CACNA1D: variants seen among roughly 807,000 people sequenced by gnomAD.
The protein encoded by CACNA1D is calcium voltage-gated channel subunit alpha1 D, also known as voltage-dependent L-type calcium channel subunit alpha-1D.
In CACNA1D, 55 loss-of-function variants were observed where a neutral mutation model predicts 257.1. The ratio of observed to expected loss-of-function variants is 0.21; its 90% CI spans 0.17 to 0.27. The LOEUF (loss-of-function observed/expected upper bound fraction) is 0.27. CACNA1D is among the 10% of genes least tolerant of loss of function. CACNA1D has a pLI of 1.00. For synonymous variants in CACNA1D, 980 were observed against 1,014.9 expected, an observed-to-expected ratio of 0.97 and a Z score of 0.65; for missense variants, 1,876 against 2,784.0, an observed-to-expected ratio of 0.67 and a Z score of 7.34.
chr3:53,509,667 C>T (rs570511220), intron 3 of CACNA1D, among the ~76,000 whole-genome samples: 12 of 152,180 alleles, frequency 7.9e-5, no homozygotes, highest in African/African-American at 2.4e-4. Context: ...CCGGTCTTGG[C>T]TGGCCCTGTA....
At chr3:53,671,449 C>A (rs1156339667) in intron 7 of CACNA1D, among the ~76,000 whole-genome samples, 1 of 152,228 alleles carries the variant, frequency 6.6e-6, no homozygotes, top group African/African-American at 2.4e-5. Context: ...GGCCACCACA[C>A]CAGGCAGCCA....
Position 53,497,213 on chromosome 3 carries a change from G to T in CACNA1D, c.129G>T (p.Pro43=). Residue 43 remains proline, a synonymous_variant, in exon 2 of 48, where the codon CCG becomes CCT. Coordinates refer to ENST00000350061, the MANE Select transcript of CACNA1D (RefSeq NM_001128840.3). ...PLSGEGPTSQ[P]NSSKQTVLSW... ...CTGGTGAAGGACCAACTTCTCAGCC[G>T]AATAGCTCCAAGCAAACTGTCCTGT... 6.2e-7 allele frequency: 1 copy of T among 1,614,064 alleles called. No individual in the cohort carries two copies. Among genetic ancestry groups the T allele is most frequent in the Non-Finnish European group, 8.5e-7 (1 of 1,180,004 alleles).
chr3:53,532,014 A>G (rs1321648218), intron 3 of CACNA1D, among the ~76,000 whole-genome samples: 1 of 152,176 alleles, frequency 6.6e-6, no homozygotes, highest in Non-Finnish European at 1.5e-5. Flanking sequence ...GATACTCAGT[A>G]AGCGCTCTCC....
chr3:53,495,342 G>A lies in CACNA1D; in HGVS notation c.67+109G>A. On this transcript the variant is annotated intron_variant, in intron 1 of 47. Transcript: ENST00000350061. This position sits in a 1 kb window ranked among gnomAD's most constrained non-coding sequence, Gnocchi z 5.1. ...GGATGGGTTGAGGGGGTTGGAGAGG[G>A]TGCTGCCAGCTCGGTGTCGTCTACA... The A allele has an allele frequency of 7.5e-7, 1 of 1,326,702 alleles. No individual in the cohort carries two copies. Among genetic ancestry groups the A allele is most frequent in the South Asian group, 1.2e-5 (1 of 84,874 alleles). 82.2% of individuals were successfully genotyped at this position (1,326,702 alleles called of 1,614,324 possible).
At chr3:53,785,130 C>A (rs2095446039) in intron 39 of CACNA1D, among the ~76,000 whole-genome samples, 1 of 152,166 alleles carries the variant, frequency 6.6e-6, no homozygotes, top group Non-Finnish European at 1.5e-5. Flanking sequence ...CAAACATACC[C>A]TGAGCAAATG....
intron 37 of CACNA1D, among the ~76,000 whole-genome samples, chr3:53,778,951 C>G (rs2095412033): frequency 1.3e-5 from 2 of 152,326 alleles, no homozygotes; most frequent in East Asian, 3.9e-4. Context: ...AAGTCCCAGG[C>G]CCTGTGCCTG....
chr3:53,509,878 T>C (rs2091035163), intron 3 of CACNA1D, among the ~76,000 whole-genome samples: 1 of 152,214 alleles, frequency 6.6e-6, no homozygotes, highest in Admixed American at 6.5e-5. Context: ...TTTTTACAGC[T>C]ATAAGAGGAC....
At chr3:53,690,237 C>G (rs2094507154) in intron 8 of CACNA1D, among the ~76,000 whole-genome samples, 1 of 152,240 alleles carries the variant, frequency 6.6e-6, no homozygotes, top group Non-Finnish European at 1.5e-5. Context: ...GGGACCCTGT[C>G]TTCCCAGCCT....
Position 53,673,145 on chromosome 3 carries a change from A to G in CACNA1D, c.1220+19A>G, listed in dbSNP as rs369807931. 1.7e-5 allele frequency: 26 copies of G among 1,498,320 alleles called. No homozygotes were observed. Among genetic ancestry groups the G allele is most frequent in the East Asian group, 1.2e-4 (5 of 40,590 alleles). 92.8% of individuals were successfully genotyped at this position (1,498,320 alleles called of 1,614,324 possible). ...TGAGCGGGTAAGCTACACCTCTTTC[A>G]TCTTGAAAGCAGAGTCCTGAGGACA... On this transcript the variant is annotated intron_variant, in intron 8 of 47. Coordinates refer to ENST00000350061, the MANE Select transcript of CACNA1D (RefSeq NM_001128840.3). This position sits in a 1 kb window ranked among gnomAD's most constrained non-coding sequence, Gnocchi z 4.1.
intron 3 of CACNA1D, among the ~76,000 whole-genome samples, chr3:53,551,190 A>T (rs192811531): frequency 6.6e-6 from 1 of 152,368 alleles, no homozygotes; most frequent in East Asian, 1.9e-4. Context: ...AATCCCAGAA[A>T]AAAATGTTCT....
chr3:53,745,405 T>C (rs1006437088), intron 23 of CACNA1D, among the ~76,000 whole-genome samples: 1 of 152,106 alleles, frequency 6.6e-6, no homozygotes, highest in Non-Finnish European at 1.5e-5. Flanking sequence ...CACGCCCAGC[T>C]AATTTTTGTA....
In CACNA1D at chr3:53,723,662, A is replaced by G. The variant is rs779597807; in HGVS notation, c.1892+3A>G. ...TTAAGAATCTTCAAAGTGACCAGGT[A>G]AGGAAATGTGGGTCCCACTGCAAAT... On this transcript the variant is annotated splice_donor_region_variant and intron_variant, in intron 13 of 47. Transcript: ENST00000350061. The surrounding 1 kb of genome is among the most constrained non-coding windows in gnomAD (Gnocchi z 5.6). 1.1e-5 allele frequency: 17 copies of G among 1,612,986 alleles called. No homozygotes were observed. The Middle Eastern group carries it at 6.6e-4, about 62-fold the overall frequency.
At chr3:53,500,173 C>A (rs36029422) in intron 2 of CACNA1D, among the ~76,000 whole-genome samples, 10 of 143,332 alleles carry the variant, frequency 7.0e-5, no homozygotes, top group African/African-American at 2.6e-4. Flanking sequence ...GAGCAGATTG[C>A]GAGTCCAGAA....
chr3:53,781,834 G>A (rs2095426851), intron 39 of CACNA1D, 167 bp downstream of exon 39: 2 of 670,680 alleles, frequency 3.0e-6, no homozygotes, highest in Middle Eastern at 2.6e-4. Context: ...ATTATTTTGG[G>A]GGTGATATGA....
At chr3:53,697,303 G>A (rs1036452642) in intron 8 of CACNA1D, among the ~76,000 whole-genome samples, 1 of 152,198 alleles carries the variant, frequency 6.6e-6, no homozygotes. Context: ...ACATTTTCTG[G>A]CCTCCTGAAG....
intron 3 of CACNA1D, among the ~76,000 whole-genome samples, chr3:53,539,134 G>T (rs2092224264): frequency 6.6e-6 from 1 of 151,952 alleles, no homozygotes; most frequent in South Asian, 2.1e-4. Context: ...GTTCGAGACA[G>T]AGTCCTGCTC....
chr3:53,782,168 T>A (rs1461505143), intron 39 of CACNA1D, among the ~76,000 whole-genome samples: 1 of 149,536 alleles, frequency 6.7e-6, no homozygotes, highest in African/African-American at 2.5e-5. Context: ...CTTTTGTTAT[T>A]TATCACAAAA....
rs544036301 is a variant in CACNA1D at position 53,691,162 on chromosome 3, T to G, written c.1221-11479T>G. Among the ~76,000 whole-genome samples the G allele has an allele frequency of 1.9e-3, 284 of 147,590 alleles. 1 individual carries two copies. Among genetic ancestry groups the G allele is most frequent in the Middle Eastern group, 0.017 (5 of 290 alleles). ...TGAAGAATACCTCTTTTTTTTTTTT[T>G]GGGGGGGAGATGGAGTCTTGCTCTT... is the stretch of plus-strand genomic sequence containing the variant. On this transcript the variant is annotated intron_variant, in intron 8 of 47. Transcript: ENST00000350061.
chr3:53,552,361 G>A (rs527542007), intron 3 of CACNA1D, among the ~76,000 whole-genome samples: 2 of 152,040 alleles, frequency 1.3e-5, no homozygotes, highest in South Asian at 2.1e-4. Context: ...TTCTCTTCTC[G>A]ACATAGACCA....
Sources: allele counts gnomAD v4.1 joint callset (sites outside exome capture counted in the v4.1 genomes callset), GRCh38; gene constraint gnomAD v4.1.1; non-coding constraint Gnocchi (gnomAD v3.1); transcripts MANE v1.5; gene names NCBI Gene and HGNC (gene_info 2026-07-23, HGNC 2026-07-21).